MYO3B: variants seen among roughly 807,000 people sequenced by gnomAD.
MYO3B encodes myosin IIIB, also known as myosin-IIIb.
In MYO3B, 156 loss-of-function variants were observed where a neutral mutation model predicts 174.6. The ratio of observed to expected loss-of-function variants is 0.89; its 90% CI spans 0.78 to 1.02. MYO3B has a LOEUF of 1.02. MYO3B is among the 50% of genes least tolerant of loss of function. The probability of loss-of-function intolerance (pLI) is 0.00; values close to 1 mark genes in which losing one functional copy is unlikely to be tolerated. For missense variants in MYO3B, 1,632 were observed against 1,639.4 expected (o/e 1.00, Z 0.08); for synonymous variants, 563 against 569.1 (o/e 0.99, Z 0.15).
At chr2:170,600,127 G>T (rs1193779114) in intron 32 of MYO3B, among the ~76,000 whole-genome samples, 4 of 133,110 alleles carry the variant, frequency 3.0e-5, no homozygotes, top group African/African-American at 1.5e-4. Flanking sequence ...CTTCCTTGTT[G>T]TTGTTGTTTT....
intron 7 of MYO3B, among the ~76,000 whole-genome samples, chr2:170,306,479 A>G (rs1559374645): frequency 6.6e-6 from 1 of 152,236 alleles, no homozygotes; most frequent in African/African-American, 2.4e-5. Context: ...ATGTACATAT[A>G]CAATTTATAT....
intron 7 of MYO3B, among the ~76,000 whole-genome samples, chr2:170,319,302 G>A (rs1411729114): frequency 6.6e-6 from 1 of 152,150 alleles, no homozygotes; most frequent in East Asian, 1.9e-4. Context: ...CATAAAGCTT[G>A]TCTCCAGAGC....
chr2:170,539,663 A>G (rs949087482), intron 30 of MYO3B, among the ~76,000 whole-genome samples: 2 of 151,616 alleles, frequency 1.3e-5, no homozygotes, highest in Non-Finnish European at 2.9e-5. Context: ...CCGGCTGTCC[A>G]GGCTGGAGTG....
intron 28 of MYO3B, among the ~76,000 whole-genome samples, chr2:170,507,369 A>G (rs982366485): frequency 6.6e-6 from 1 of 151,540 alleles, no homozygotes; most frequent in Non-Finnish European, 1.5e-5. Context: ...GCTCTCCCAT[A>G]CTTGAGAAAG....
intron 33 of MYO3B, among the ~76,000 whole-genome samples, 160 bp downstream of exon 33, chr2:170,651,894 T>C (rs536852170): frequency 1.3e-5 from 2 of 149,630 alleles, no homozygotes; most frequent in East Asian, 4.0e-4. Context: ...CATGTCAGGA[T>C]GTCTGCCTTC....
intron 32 of MYO3B, among the ~76,000 whole-genome samples, chr2:170,632,742 C>T (rs1019460775): frequency 6.6e-6 from 1 of 151,676 alleles, no homozygotes; most frequent in African/African-American, 2.4e-5. Flanking sequence ...GCTAGCAAGA[C>T]TAATAAAGAA....
intron 8 of MYO3B, among the ~76,000 whole-genome samples, chr2:170,369,006 C>T (rs895106979): frequency 3.9e-5 from 6 of 152,058 alleles, no homozygotes; most frequent in South Asian, 2.1e-4. Flanking sequence ...TTAAAACAAA[C>T]GAAGACAGAT....
intron 21 of MYO3B, 98 bp from the exon 22 acceptor site, chr2:170,407,617 A>G (rs1406313851): frequency 1.6e-5 from 13 of 789,530 alleles, no homozygotes; most frequent in South Asian, 6.1e-5. Flanking sequence ...GATGAGTTCT[A>G]TATAGAGGTT....
intron 1 of MYO3B, among the ~76,000 whole-genome samples, chr2:170,192,181 A>G (rs1190264376): frequency 6.6e-6 from 1 of 152,016 alleles, no homozygotes; most frequent in Non-Finnish European, 1.5e-5. Flanking sequence ...GAAGGTCTGG[A>G]AGAATTTATT....
At chr2:170,283,431 T>A (rs763681067) in intron 7 of MYO3B, among the ~76,000 whole-genome samples, 1 of 152,226 alleles carries the variant, frequency 6.6e-6, no homozygotes, top group Non-Finnish European at 1.5e-5. Flanking sequence ...AGTGTGACTA[T>A]CTACTTGCTA....
At chr2:170,464,782 T>C (rs1684514352) in intron 24 of MYO3B, among the ~76,000 whole-genome samples, 1 of 152,216 alleles carries the variant, frequency 6.6e-6, no homozygotes, top group South Asian at 2.1e-4. Flanking sequence ...ACACACCTGG[T>C]CCTATCCCCT....
intron 30 of MYO3B, chr2:170,524,710 C>G: frequency 3.2e-6 from 1 of 315,724 alleles, no homozygotes; most frequent in Non-Finnish European, 6.2e-6. Flanking sequence ...TCTCGAACTC[C>G]TGACGTTCTA....
At chr2:170,552,902 G>T (rs1338946296) in intron 32 of MYO3B, among the ~76,000 whole-genome samples, 1 of 152,206 alleles carries the variant, frequency 6.6e-6, no homozygotes, top group Non-Finnish European at 1.5e-5. Context: ...AGCCGATCTA[G>T]CTTCAGCTGT....
chr2:170,218,018 C>T (rs561376819), intron 6 of MYO3B, among the ~76,000 whole-genome samples: 11 of 152,332 alleles, frequency 7.2e-5, no homozygotes, highest in African/African-American at 2.4e-4. Flanking sequence ...TTTAATTCCA[C>T]AGTATGCTGA....
intron 7 of MYO3B, among the ~76,000 whole-genome samples, chr2:170,325,566 T>C (rs973944825): frequency 4.6e-5 from 7 of 152,116 alleles, no homozygotes; most frequent in African/African-American, 1.7e-4. Flanking sequence ...GTGGTTTCCG[T>C]CTTTTGATTG....
chr2:170,289,587 G>A (rs6720501), intron 7 of MYO3B, among the ~76,000 whole-genome samples: 46,964 of 150,926 alleles, frequency 0.31, 7,414 homozygotes, highest in South Asian at 0.43. Flanking sequence ...TATTTATTTG[G>A]GTATTCTCTC....
intron 7 of MYO3B, among the ~76,000 whole-genome samples, chr2:170,253,933 C>A (rs1318723990): frequency 1.3e-5 from 2 of 151,914 alleles, no homozygotes; most frequent in African/African-American, 2.4e-5. Context: ...TTAGATGTAG[C>A]CAGGAAGTGC....
chr2:170,472,718 T>C (rs1011250413), intron 25 of MYO3B, among the ~76,000 whole-genome samples: 17 of 151,276 alleles, frequency 1.1e-4, no homozygotes, highest in Non-Finnish European at 7.4e-5. Context: ...TTTATTTATT[T>C]TGAGACAGGG....
chr2:170,510,567 G>A (rs1007796350), intron 28 of MYO3B, among the ~76,000 whole-genome samples: 1 of 152,188 alleles, frequency 6.6e-6, no homozygotes, highest in African/African-American at 2.4e-5. Flanking sequence ...TGTGACTTTA[G>A]TTGGAAACAG....
Sources: gnomAD v4.1 joint callset for allele counts (sites outside exome capture counted in the v4.1 genomes callset) on GRCh38, gnomAD v4.1.1 for gene constraint, MANE v1.5 for transcripts, NCBI Gene and HGNC (gene_info 2026-07-23, HGNC 2026-07-21) for gene names.